Variants in MCTP2 observed in about 807,000 individuals in gnomAD.
MCTP2 encodes multiple C2 and transmembrane domain containing 2, also known as multiple C2 and transmembrane domain-containing protein 2.
Under a neutral mutation model 111.6 loss-of-function variants are expected in MCTP2, and 132 were observed. The observed-to-expected ratio is 1.18, with a 90% confidence interval of 1.03 to 1.37. MCTP2 has a LOEUF of 1.37. Ranked by LOEUF, MCTP2 falls within the 40% of genes most tolerant of loss-of-function variation. MCTP2 has a pLI of 0.00. For missense variants in MCTP2, 1,183 were observed against 1,067.9 expected, an observed-to-expected ratio of 1.11 and a Z score of -1.50; for synonymous variants, 395 against 387.7, an observed-to-expected ratio of 1.02 and a Z score of -0.22.
At chr15:94,390,504 T>G (rs2080892058) in intron 14 of MCTP2, among the ~76,000 whole-genome samples, 2 of 152,100 alleles carry the variant, frequency 1.3e-5, no homozygotes, top group African/African-American at 2.4e-5. Context: ...TGATCTTAAT[T>G]CTGTCCTGAA....
intron 22 of MCTP2, among the ~76,000 whole-genome samples, chr15:94,477,161 G>T (rs2074435263): frequency 6.6e-6 from 1 of 152,100 alleles, no homozygotes; most frequent in Admixed American, 6.6e-5. Flanking sequence ...CTTCCGGGTG[G>T]CAAGCATTTT....
intron 1 of MCTP2, among the ~76,000 whole-genome samples, chr15:94,287,304 T>C (rs1468081833): frequency 3.3e-5 from 5 of 152,164 alleles, no homozygotes; most frequent in African/African-American, 1.2e-4. Flanking sequence ...ACATGGTTGT[T>C]TATTTTGTTG....
At chr15:94,469,880 A>G (rs1290956421) in intron 20 of MCTP2, among the ~76,000 whole-genome samples, 3 of 148,172 alleles carry the variant, frequency 2.0e-5, no homozygotes, top group Non-Finnish European at 4.4e-5. Context: ...AAAAAAGACA[A>G]AAAAGAAAAA....
rs1474682331 is a variant in MCTP2 at position 94,481,162 on chromosome 15, A to G, written c.*2128A>G. 6.6e-6 allele frequency: 1 copy of G among 152,174 alleles called. No homozygotes were observed. Among genetic ancestry groups the G allele is most frequent in the Non-Finnish European group, 1.5e-5 (1 of 68,026 alleles). The allele number at this position is 152,174 out of a possible 1,614,324, so 9.4% of individuals were successfully genotyped here. On this transcript the variant is annotated 3_prime_UTR_variant, in exon 23 of 23. Coordinates refer to ENST00000357742, the MANE Select transcript of MCTP2 (RefSeq NM_001385001.1). ...AAGTAGGGATGTTGAAGTCTTGCCA[A>G]GTTTTCCTGGTTCCCTTCTCAAACT...
chr15:94,427,467 T>C (rs1184910759), intron 17 of MCTP2, among the ~76,000 whole-genome samples: 1 of 152,080 alleles, frequency 6.6e-6, no homozygotes, highest in Non-Finnish European at 1.5e-5. Flanking sequence ...CACCATGTCT[T>C]ACCATGGTGG....
At chr15:94,238,845 T>C (rs1282404697) in intron 1 of MCTP2, among the ~76,000 whole-genome samples, 1 of 151,842 alleles carries the variant, frequency 6.6e-6, no homozygotes, top group East Asian at 1.9e-4. Flanking sequence ...GGCTAGTCTG[T>C]TTAAGCTTTG....
intron 20 of MCTP2, among the ~76,000 whole-genome samples, chr15:94,464,018 T>A: frequency 6.6e-6 from 1 of 151,470 alleles, no homozygotes; most frequent in Non-Finnish European, 1.5e-5. Flanking sequence ...ATCAGTGAGA[T>A]TGACTTATTT....
chr15:94,311,753 T>G (rs1282830940), intron 2 of MCTP2, among the ~76,000 whole-genome samples: 1 of 152,236 alleles, frequency 6.6e-6, no homozygotes, highest in African/African-American at 2.4e-5. Flanking sequence ...TTGTTATAAG[T>G]GGAAGACTTA....
intron 4 of MCTP2, among the ~76,000 whole-genome samples, chr15:94,330,181 A>G (rs1028100723): frequency 2.6e-5 from 4 of 152,206 alleles, no homozygotes; most frequent in Non-Finnish European, 4.4e-5. Flanking sequence ...GAAGCAGTGT[A>G]AAGCATGTCT....
At chr15:94,427,389 G>A (rs1240463809) in intron 17 of MCTP2, among the ~76,000 whole-genome samples, 2 of 152,160 alleles carry the variant, frequency 1.3e-5, no homozygotes. Context: ...CACTTCTGCA[G>A]ACTTAACAGG....
intron 1 of MCTP2, among the ~76,000 whole-genome samples, chr15:94,243,713 A>ATGTGTATACATATG (rs1310663105): frequency 7.7e-6 from 1 of 129,376 alleles, no homozygotes; most frequent in South Asian, 2.3e-4. Context: ...ATACACATAT[A>ATGTGTATACATATG]TGTATACACA....
chr15:94,263,158 C>T (rs1282030981), intron 1 of MCTP2, among the ~76,000 whole-genome samples: 1 of 152,170 alleles, frequency 6.6e-6, no homozygotes, highest in Non-Finnish European at 1.5e-5. Context: ...AGAATATAGA[C>T]TCGTGACTTT....
intron 12 of MCTP2, among the ~76,000 whole-genome samples, chr15:94,370,843 C>T (rs1488311849): frequency 6.6e-6 from 1 of 152,186 alleles, no homozygotes; most frequent in Non-Finnish European, 1.5e-5. Flanking sequence ...TAGCCGCCTA[C>T]ATGACAGATG....
intron 2 of MCTP2, among the ~76,000 whole-genome samples, chr15:94,304,811 G>A (rs1235350455): frequency 6.6e-6 from 1 of 152,084 alleles, no homozygotes; most frequent in Non-Finnish European, 1.5e-5. Context: ...CCATCTCTGT[G>A]AGCCCACTTA....
intron 17 of MCTP2, among the ~76,000 whole-genome samples, chr15:94,425,736 AG>A (rs2082856931): frequency 6.6e-6 from 1 of 152,164 alleles, no homozygotes; most frequent in South Asian, 2.1e-4. Flanking sequence ...TAAACATAAC[AG>A]GGTATTATGA....
chr15:94,388,726 T>G (rs2080675549), intron 14 of MCTP2, among the ~76,000 whole-genome samples: 1 of 152,198 alleles, frequency 6.6e-6, no homozygotes, highest in Non-Finnish European at 1.5e-5. Flanking sequence ...CCATCAGTTC[T>G]CTAAGGACTG....
intron 1 of MCTP2, among the ~76,000 whole-genome samples, chr15:94,234,480 C>CG (rs1567235157): frequency 5.9e-5 from 9 of 152,150 alleles, no homozygotes; most frequent in Admixed American, 3.9e-4. Context: ...GTCACACCCA[C>CG]GGGGGGCCCT....
intron 1 of MCTP2, among the ~76,000 whole-genome samples, chr15:94,245,252 G>A (rs181041593): frequency 2.9e-5 from 4 of 136,050 alleles, no homozygotes; most frequent in African/African-American, 8.0e-5. Flanking sequence ...ATACACATAT[G>A]TATATATACA....
At chr15:94,451,424 C>A (rs548729711) in intron 19 of MCTP2, among the ~76,000 whole-genome samples, 1 of 152,202 alleles carries the variant, frequency 6.6e-6, no homozygotes, top group Non-Finnish European at 1.5e-5. Flanking sequence ...CATTTTTTCA[C>A]ATTTGTAACG....
Sources: gnomAD v4.1 joint callset for allele counts (sites outside exome capture counted in the v4.1 genomes callset) on GRCh38, gnomAD v4.1.1 for gene constraint, MANE v1.5 for transcripts, NCBI Gene and HGNC (gene_info 2026-07-23, HGNC 2026-07-21) for gene names.